Variants in ZNF66 observed in about 807,000 individuals in gnomAD.
ZNF66 encodes the protein putative zinc finger protein 66.
In ZNF66, 32 loss-of-function variants were observed where a neutral mutation model predicts 35.2. The observed-to-expected ratio is 0.91, with a 90% CI of 0.69 to 1.22. The LOEUF (loss-of-function observed/expected upper bound fraction) is 1.22, where lower values mean the gene tolerates loss of function less well. Among genes scored for constraint, ZNF66 ranks in the 50% most tolerant of loss-of-function variants. ZNF66 has a pLI of 0.00. For missense variants in ZNF66, 666 were observed against 543.1 expected (o/e 1.23, Z -2.25); for synonymous variants, 231 against 181.3 (o/e 1.27, Z -2.20).
intron 1 of ZNF66, among the ~76,000 whole-genome samples, chr19:20,791,148 C>T (rs1427180895): frequency 1.3e-5 from 2 of 152,128 alleles, no homozygotes; most frequent in Non-Finnish European, 2.9e-5. Context: ...GTTGAGGCTC[C>T]ATTCATGTGT....
chr19:20,793,327 CTTTTCTTT>C (rs1971358467), intron 2 of ZNF66, among the ~76,000 whole-genome samples: 1 of 74,724 alleles, frequency 1.3e-5, no homozygotes, highest in Non-Finnish European at 2.6e-5. Context: ...CTTTTCTTTT[CTTTTCTTT>C]TTTTTTTTTT....
At chr19:20,777,829 T>TAGTTACCAAGGAATGCTAGTTAC (rs1971210036) in intron 1 of ZNF66, among the ~76,000 whole-genome samples, 8 of 152,182 alleles carry the variant, frequency 5.3e-5, no homozygotes, top group African/African-American at 1.9e-4. Context: ...TTTCACCATG[T>TAGTTACCAAGGAATGCTAGTTAC]TTGCCAGGAA....
Position 20,776,333 on chromosome 19 carries a change from G to T in ZNF66, c.-115G>T. 1.4e-6 allele frequency: 2 copies of T among 1,448,538 alleles called. No individual in the cohort carries two copies. Among genetic ancestry groups the T allele is most frequent in the Non-Finnish European group, 1.9e-6 (2 of 1,033,166 alleles). 89.7% of individuals were successfully genotyped at this position (1,448,538 alleles called of 1,614,324 possible). A position where few individuals can be genotyped will look rare whatever the true frequency, so the allele number is the denominator to read the frequency against. Reference sequence around the variant, plus strand: ...CTCCCTGCAGCTGGAGCTCCAGGTCGTCTGTTCACTGCTCTCTGTCTTCTT... The same window carrying T: ...CTCCCTGCAGCTGGAGCTCCAGGTCTTCTGTTCACTGCTCTCTGTCTTCTT... On this transcript the variant is annotated 5_prime_UTR_variant, in exon 1 of 4. Coordinates refer to ENST00000344519, the MANE Select transcript of ZNF66 (RefSeq NM_001355197.2).
chr19:20,784,958 T>G (rs1971274488), intron 1 of ZNF66: 1 of 153,062 alleles, frequency 6.5e-6, no homozygotes, highest in South Asian at 2.1e-4. Flanking sequence ...TCCCGTGGTG[T>G]CTGAATGAGG....
At position 20,809,496 on chromosome 19, in the gene ZNF66, A is replaced by G. The variant is rs1307504859; in HGVS notation, c.*2174A>G. On this transcript the variant is annotated 3_prime_UTR_variant, in exon 4 of 4. Coordinates refer to ENST00000344519, the MANE Select transcript of ZNF66 (RefSeq NM_001355197.2). The stretch of plus-strand genomic sequence containing the variant: ...CAGCTGACCTCTTGGCAGAAACTCT[A>G]TAAGCCAGAAGAGAGTGGGGGCCAA... Among the ~76,000 whole-genome samples the G allele has an allele frequency of 3.3e-5, 5 of 152,246 alleles. No homozygotes were observed. Among genetic ancestry groups the G allele is most frequent in the East Asian group, 1.9e-4 (1 of 5,202 alleles).
intron 1 of ZNF66, among the ~76,000 whole-genome samples, chr19:20,777,452 ATT>A (rs756548895): frequency 7.3e-5 from 9 of 123,122 alleles, no homozygotes; most frequent in South Asian, 2.7e-4. Context: ...TTGAGCTTAG[ATT>A]TTTTTTTTTT....
At chr19:20,789,120 TA>T (rs1971313582) in intron 1 of ZNF66, among the ~76,000 whole-genome samples, 1 of 152,130 alleles carries the variant, frequency 6.6e-6, no homozygotes, top group South Asian at 2.1e-4. Flanking sequence ...GTATGTAGCA[TA>T]AAGTTGACAG....
rs553319795 is a variant in ZNF66 at position 20,793,496 on chromosome 19, T to A, written c.131-287T>A. On this transcript the variant is annotated intron_variant, in intron 2 of 3. Coordinates refer to ENST00000344519, the MANE Select transcript of ZNF66 (RefSeq NM_001355197.2). ...CATCACTATGCTCCGCTAATTTTTG[T>A]ATTTTCAGTAGAGATGGGGTTTCAC... Among the ~76,000 whole-genome samples the A allele has an allele frequency of 7.9e-5, 12 of 151,970 alleles. 1 individual carries two copies. Among genetic ancestry groups the A allele is most frequent in the Admixed American group, 7.9e-4 (12 of 15,246 alleles).
rs1404305582 is a variant in ZNF66 at position 20,805,874 on chromosome 19, A to G, written c.274A>G (p.Lys92Glu). 1 of 651,630 alleles carries G rather than the reference A, an allele frequency of 1.5e-6. No homozygotes were observed. The highest frequency in any genetic ancestry group is 2.8e-6 in the Non-Finnish European group (1 of 359,492). The allele number at this position is 651,630 out of a possible 1,614,324, so 40.4% of individuals were successfully genotyped here. Residue 92 changes from lysine (K) to glutamate (E), a missense_variant, in exon 4 of 4, where the codon AAA becomes GAA. Transcript: ENST00000344519. Reference protein sequence around the residue: ...NQDLWPEQSIKDSFQKLILRR... With the variant: ...NQDLWPEQSIEDSFQKLILRR... ...AGACCTTTGGCCAGAGCAGAGCATAAAAGATTCTTTCCAAAAACTGATACT... is the reference window on the plus strand; with the variant it reads ...AGACCTTTGGCCAGAGCAGAGCATAGAAGATTCTTTCCAAAAACTGATACT...
rs141742995 is a variant in ZNF66, at chr19:20,808,444, A to C, written c.*1122A>C. 0.093 allele frequency among the ~76,000 whole-genome samples: 14,149 copies of C among 152,180 alleles called. 672 individuals carry two copies. The highest frequency in any genetic ancestry group is 0.11 in the Middle Eastern group (33 of 292). On this transcript the variant is annotated 3_prime_UTR_variant, in exon 4 of 4. Transcript: ENST00000344519. ...CCCGAGCAGCCTAACTGGGAGGCACACCCCAGTAGGGGCAGACTGACACTT... is the reference window on the plus strand; with the variant it reads ...CCCGAGCAGCCTAACTGGGAGGCACCCCCCAGTAGGGGCAGACTGACACTT...
chr19:20,776,474 C>T (rs1435445591), intron 1 of ZNF66, 24 bp downstream of exon 1: 1 of 1,539,430 alleles, frequency 6.5e-7, no homozygotes, highest in Admixed American at 1.7e-5. Flanking sequence ...TCCAGCATCC[C>T]GAGAGAGGTG....
At chr19:20,776,480 A>G in intron 1 of ZNF66, 30 bp downstream of exon 1, 4 of 1,534,416 alleles carry the variant, frequency 2.6e-6, no homozygotes, top group African/African-American at 2.7e-5. Flanking sequence ...ATCCCGAGAG[A>G]GGTGAAGTGT....
rs779028810 is a variant in ZNF66 at position 20,806,757 on chromosome 19, C to T, written c.1157C>T (p.Ala386Val). The change falls in exon 4 of 4, where the codon GCA (alanine) becomes GTA (valine). Residue 386 changes from alanine to valine, a missense_variant. Transcript: ENST00000344519. ...EAFKYSCSLT[A>V]HKIIHTGKKP... The stretch of plus-strand genomic sequence containing the variant: ...TTTAAGTACTCCTGTTCCCTTACTG[C>T]ACATAAGATAATTCATACTGGAAAG... The T allele has an allele frequency of 1.5e-6, 2 of 1,336,538 alleles. No homozygotes were observed. The highest frequency in any genetic ancestry group is 2.1e-6 in the Non-Finnish European group (2 of 930,860). The allele number at this position is 1,336,538 out of a possible 1,614,324, so 82.8% of individuals were successfully genotyped here.
In ZNF66 at chr19:20,807,089, A is replaced by T. The variant is rs1290005290; in HGVS notation, c.1489A>T (p.Thr497Ser). 2 of 793,488 alleles carry T rather than the reference A, an allele frequency of 2.5e-6. No homozygotes were observed. The highest frequency in any genetic ancestry group is 4.5e-6 in the Non-Finnish European group (2 of 441,214). 49.2% of individuals were successfully genotyped at this position (793,488 alleles called of 1,614,324 possible). A position where few individuals can be genotyped will look rare whatever the true frequency, so the allele number is the denominator to read the frequency against. The stretch of plus-strand genomic sequence containing the variant: ...GGCCTTTAAGTGCTCCTCTATTCTT[A>T]CTACACATAAGAGAATTCATACTGC... ...GKAFKCSSIL[T>S]THKRIHTADK... The change falls in exon 4 of 4, where the codon ACT becomes TCT. Residue 497 changes from threonine (T) to serine (S), a missense_variant. Thr to Ser is a moderately conservative substitution (Grantham distance 58). Coordinates refer to ENST00000344519, the MANE Select transcript of ZNF66 (RefSeq NM_001355197.2).
chr19:20,805,881 C>G lies in ZNF66; in HGVS notation c.281C>G (p.Ser94Cys). ...DLWPEQSIKD[S>C]FQKLILRRHK... ...TGGCCAGAGCAGAGCATAAAAGATT[C>G]TTTCCAAAAACTGATACTGAGAAGG... The change falls in exon 4 of 4, where the codon TCT becomes TGT. Residue 94 changes from serine to cysteine, a missense_variant. Ser to Cys is a moderately radical substitution (Grantham distance 112, BLOSUM62 -1). Coordinates refer to ENST00000344519, the MANE Select transcript of ZNF66 (RefSeq NM_001355197.2). The G allele has an allele frequency of 1.5e-6, 1 of 651,032 alleles. No individual in the cohort carries two copies. Among genetic ancestry groups the G allele is most frequent in the Non-Finnish European group, 2.8e-6 (1 of 359,328 alleles). The allele number at this position is 651,032 out of a possible 1,614,324, so 40.3% of individuals were successfully genotyped here. A position where few individuals can be genotyped will look rare whatever the true frequency, so the allele number is the denominator to read the frequency against.
intron 1 of ZNF66, among the ~76,000 whole-genome samples, chr19:20,787,726 C>CA (rs1348833016): frequency 6.6e-6 from 1 of 152,202 alleles, no homozygotes; most frequent in East Asian, 1.9e-4. Context: ...ATCAAGGCCA[C>CA]AAAGTATCCA....
chr19:20,809,331 G>A lies in ZNF66; in HGVS notation c.*2009G>A, dbSNP rs548409427. Among the ~76,000 whole-genome samples, 456 of 151,902 alleles carry A rather than the reference G, an allele frequency of 3.0e-3. No homozygotes were observed. The highest frequency in any genetic ancestry group is 0.01 in the African/African-American group (418 of 41,418). On this transcript the variant is annotated 3_prime_UTR_variant, in exon 4 of 4. Transcript: ENST00000344519. ...TTCAGATTCAGGAAATACAGAGAACGCCACAAAGATACTCCTTGAGAAGAG... is the reference window on the plus strand; with the variant it reads ...TTCAGATTCAGGAAATACAGAGAACACCACAAAGATACTCCTTGAGAAGAG...
At chr19:20,797,536 T>C (rs1971407181) in intron 3 of ZNF66, among the ~76,000 whole-genome samples, 1 of 144,640 alleles carries the variant, frequency 6.9e-6, no homozygotes, top group African/African-American at 2.6e-5. Context: ...ATTATTGTTT[T>C]GAAGTTTTAT....
intron 3 of ZNF66, among the ~76,000 whole-genome samples, chr19:20,802,830 T>A (rs1599554673): frequency 6.6e-6 from 1 of 152,300 alleles, no homozygotes; most frequent in East Asian, 1.9e-4. Context: ...CAATTTTGTA[T>A]TTGCTTTATA....
Sources: gnomAD v4.1 joint callset for allele counts (sites outside exome capture counted in the v4.1 genomes callset) on GRCh38, gnomAD v4.1.1 for gene constraint, MANE v1.5 for transcripts, NCBI Gene and HGNC (gene_info 2026-07-23, HGNC 2026-07-21) for gene names.